The following ADGRA2 variants were observed in gnomAD, a reference collection of about 807,000 sequenced individuals.
ADGRA2 encodes the protein G-protein coupled receptor 124.
ADGRA2 carries 61 observed loss-of-function variants against 98.7 expected under a neutral mutation model. The ratio of observed to expected loss-of-function variants is 0.62; its 90% CI spans 0.50 to 0.76. The LOEUF is 0.76. ADGRA2 is among the 30% of genes least tolerant of loss of function. The pLI, the probability that ADGRA2 is intolerant of heterozygous loss-of-function variation, is 0.00. For synonymous variants in ADGRA2, 858 were observed against 831.5 expected, an observed-to-expected ratio of 1.03 and a Z score of -0.55; for missense variants, 1,712 against 1,860.0, an observed-to-expected ratio of 0.92 and a Z score of 1.46.
At position 37,844,169 on chromosome 8, in the gene ADGRA2, C is replaced by CG. The variant is rs1452808734; in HGVS notation, c.*1815dup. 19 of 305,890 alleles carry CG rather than the reference C, an allele frequency of 6.2e-5. No homozygotes were observed. Among genetic ancestry groups the CG allele is most frequent in the Non-Finnish European group, 1.2e-4 (19 of 161,634 alleles). The allele number at this position is 305,890 out of a possible 1,614,324, so 18.9% of individuals were successfully genotyped here. ...GCCCCCTCAGGCCTGCAGGAGGAGC[C>CG]GCAGCAGTGTGTCCAATTCAAACCA... On this transcript the variant is annotated 3_prime_UTR_variant, in exon 19 of 19. Transcript: ENST00000412232.
chr8:37,841,941 C>G lies in ADGRA2; in HGVS notation c.3603C>G (p.Leu1201=). The G allele has an allele frequency of 1.3e-6, 2 of 1,514,878 alleles. No homozygotes were observed. The highest frequency in any genetic ancestry group is 1.8e-6 in the Non-Finnish European group (2 of 1,139,398). 93.8% of individuals were successfully genotyped at this position (1,514,878 alleles called of 1,614,324 possible). A position where few individuals can be genotyped will look rare whatever the true frequency, so the allele number is the denominator to read the frequency against. ...RAGEACGKNR[L]KALRGGAAGA... is the part of the protein sequence containing the mutation. The stretch of plus-strand genomic sequence containing the variant: ...GGGAGGCCTGCGGCAAGAACCGGCT[C>G]AAGGCCCTGCGCGGGGGCGCGGCGG... Residue 1201 remains leucine, a synonymous_variant, in exon 19 of 19, where the codon CTC becomes CTG. Transcript: ENST00000412232. This position sits in a 1 kb window ranked among gnomAD's most constrained non-coding sequence, Gnocchi z 5.0.
chr8:37,840,856 A>AGCCC lies in ADGRA2; in HGVS notation c.2747+7_2747+8insGCCC. Reference sequence around the variant, plus strand: ...ACCGGGACCACAGCCCCTAGTGAGCACCCCTCCCTCCCGCCCCAAGCCTAC... The same window carrying AGCCC: ...ACCGGGACCACAGCCCCTAGTGAGCAGCCCCCCCTCCCTCCCGCCCCAAGCCTAC... On this transcript the variant is annotated splice_region_variant and intron_variant, in intron 18 of 18. Transcript: ENST00000412232. 6.7e-7 allele frequency: 1 copy of AGCCC among 1,483,342 alleles called. No homozygotes were observed. Among genetic ancestry groups the AGCCC allele is most frequent in the Non-Finnish European group, 9.4e-7 (1 of 1,067,520 alleles). 91.9% of individuals were successfully genotyped at this position (1,483,342 alleles called of 1,614,324 possible). A position where few individuals can be genotyped will look rare whatever the true frequency, so the allele number is the denominator to read the frequency against.
chr8:37,831,545 A>G lies in ADGRA2; in HGVS notation c.1055A>G (p.Tyr352Cys), dbSNP rs763637104. 2.5e-6 allele frequency: 4 copies of G among 1,613,690 alleles called. No individual in the cohort carries two copies. The highest frequency in any genetic ancestry group is 3.4e-6 in the Non-Finnish European group (4 of 1,180,038). ...GTGGTGCTGGAGACCTCTGCCTCCT[A>G]CTGCCCCGCCGAGCGTGTTGCCAAC... ...EIVVLETSAS[Y>C]CPAERVANNR... The change falls in exon 8 of 19, where the codon TAC (tyrosine) becomes TGC (cysteine). Residue 352 changes from tyrosine to cysteine, a missense_variant. Tyr to Cys is a radical substitution (Grantham distance 194, BLOSUM62 -2). Transcript: ENST00000412232.
At chr8:37,821,505 C>G (rs1805123391) in intron 2 of ADGRA2, among the ~76,000 whole-genome samples, 1 of 152,206 alleles carries the variant, frequency 6.6e-6, no homozygotes, top group Admixed American at 6.5e-5. Context: ...GGATCCCCTG[C>G]CAAGCACATG....
rs200356351 is a variant in ADGRA2 at position 37,832,983 on chromosome 8, T to C, written c.1098-27T>C. 7.8e-4 allele frequency: 1,232 copies of C among 1,585,050 alleles called. 6 individuals are homozygous for C. In the African/African-American group the frequency reaches 0.013, roughly 17 times the overall value. On this transcript the variant is annotated intron_variant, in intron 8 of 18. Transcript: ENST00000412232. ...CTGTTGTTCTGAGAAGCCCGGTTCA[T>C]CGGCAACTTCCTGCCTCTCCCCCCA...
intron 1 of ADGRA2, among the ~76,000 whole-genome samples, chr8:37,808,145 C>G (rs143539851): frequency 1.1e-3 from 161 of 152,310 alleles, no homozygotes; most frequent in African/African-American, 3.7e-3. Flanking sequence ...CCCCCTCTCT[C>G]TGGCCAGATT....
In ADGRA2 at chr8:37,841,394, T is replaced by C; in HGVS notation, c.3056T>C (p.Leu1019Pro). 1 of 1,612,340 alleles carries C rather than the reference T, an allele frequency of 6.2e-7. No individual in the cohort carries two copies. Among genetic ancestry groups the C allele is most frequent in the Non-Finnish European group, 8.5e-7 (1 of 1,179,562 alleles). Residue 1019 changes from leucine to proline, a missense_variant, in exon 19 of 19, where the codon CTA becomes CCA. Transcript: ENST00000412232. The surrounding 1 kb of genome is among the most constrained non-coding windows in gnomAD (Gnocchi z 5.0). The stretch of plus-strand genomic sequence containing the variant: ...AGCCTCTATTCTCCGGGAGTCCAGC[T>C]AGGGGCGCTGGTGACCACGCACTTC... ...GDSLYSPGVQ[L>P]GALVTTHFLY... is the part of the protein sequence containing the mutation.
At chr8:37,826,605 G>A (rs1254164147) in intron 2 of ADGRA2, among the ~76,000 whole-genome samples, 2 of 152,154 alleles carry the variant, frequency 1.3e-5, no homozygotes, top group Non-Finnish European at 2.9e-5. Context: ...GGAGCTGAGG[G>A]TGAGGGCTCC....
intron 17 of ADGRA2, 152 bp downstream of exon 17, chr8:37,840,418 A>G (rs1805755358): frequency 1.2e-6 from 1 of 815,282 alleles, no homozygotes; most frequent in Admixed American, 2.1e-5. Context: ...AGCAGGTCAC[A>G]CAAGACCATG....
intron 8 of ADGRA2, among the ~76,000 whole-genome samples, chr8:37,832,337 G>A (rs1207177261): frequency 6.6e-6 from 1 of 152,014 alleles, no homozygotes; most frequent in African/African-American, 2.4e-5. Flanking sequence ...ACAGGCTTGA[G>A]CCACTGCGAC....
chr8:37,841,158 G>T lies in ADGRA2; in HGVS notation c.2820G>T (p.Trp940Cys), dbSNP rs138242573. Residue 940 changes from tryptophan to cysteine, a missense_variant, in exon 19 of 19, where the codon TGG (tryptophan) becomes TGT (cysteine). Trp to Cys is a radical substitution (Grantham distance 215). Transcript: ENST00000412232. The surrounding 1 kb of genome is among the most constrained non-coding windows in gnomAD (Gnocchi z 5.0). ...IPVALILLIT[W>C]IYFLCAGLRL... ...TGGCTTTGATTCTGCTCATCACCTG[G>T]ATCTATTTCCTGTGCGCCGGGCTAC... The T allele has an allele frequency of 1.9e-6, 3 of 1,612,654 alleles. No homozygotes were observed. Among genetic ancestry groups the T allele is most frequent in the Non-Finnish European group, 1.7e-6 (2 of 1,179,926 alleles).
rs1563357194 is a variant in ADGRA2, at chr8:37,843,682, C to CCA, written c.*1335_*1336dup. ...AGAGGACACAGGGGAGGGGGAAAAC[C>CCA]CACACACACTCCTTGGAATGGGTCC... On this transcript the variant is annotated 3_prime_UTR_variant, in exon 19 of 19. Transcript: ENST00000412232. 1 of 152,446 alleles carries CCA rather than the reference C, an allele frequency of 6.6e-6. No homozygotes were observed. Among genetic ancestry groups the CCA allele is most frequent in the African/African-American group, 2.4e-5 (1 of 41,402 alleles). 9.4% of individuals were successfully genotyped at this position (152,446 alleles called of 1,614,324 possible). A position where few individuals can be genotyped will look rare whatever the true frequency, so the allele number is the denominator to read the frequency against.
chr8:37,834,437 G>A lies in ADGRA2; in HGVS notation c.1608+309G>A, dbSNP rs980147058. Reference sequence around the variant, plus strand: ...CTTGGTGGCAGGGCAGACAGCACTCGGGATTGAGTGAAGAGTAATGGAAGT... The same window carrying A: ...CTTGGTGGCAGGGCAGACAGCACTCAGGATTGAGTGAAGAGTAATGGAAGT... On this transcript the variant is annotated intron_variant, in intron 11 of 18. Transcript: ENST00000412232. This position sits in a 1 kb window ranked among gnomAD's most constrained non-coding sequence, Gnocchi z 4.2. Among the ~76,000 whole-genome samples, 2 of 152,210 alleles carry A rather than the reference G, an allele frequency of 1.3e-5. No individual in the cohort carries two copies. The highest frequency in any genetic ancestry group is 2.9e-5 in the Non-Finnish European group (2 of 68,036).
Position 37,841,960 on chromosome 8 carries a change from G to A in ADGRA2, c.3622G>A (p.Ala1208Thr), listed in dbSNP as rs1297600213. The change falls in exon 19 of 19, where the codon GCG becomes ACG. Residue 1208 changes from alanine to threonine, a missense_variant. By Grantham distance (58) the Ala-to-Thr change is moderately conservative. Transcript: ENST00000412232. This position sits in a 1 kb window ranked among gnomAD's most constrained non-coding sequence, Gnocchi z 5.0. ...KNRLKALRGGAAGALELLSSE... is the reference protein window; with the variant it reads ...KNRLKALRGGTAGALELLSSE... ...CCGGCTCAAGGCCCTGCGCGGGGGC[G>A]CGGCGGGGGCGCTGGAGCTGCTGTC... The A allele has an allele frequency of 6.7e-7, 1 of 1,500,500 alleles. No individual in the cohort carries two copies. The highest frequency in any genetic ancestry group is 2.6e-5 in the East Asian group (1 of 38,160). 92.9% of individuals were successfully genotyped at this position (1,500,500 alleles called of 1,614,324 possible). A position where few individuals can be genotyped will look rare whatever the true frequency, so the allele number is the denominator to read the frequency against.
chr8:37,843,782 C>A lies in ADGRA2; in HGVS notation c.*1427C>A, dbSNP rs1805889995. ...TGTATTATTCTTCCACATATGCTGG[C>A]TGCTGTTTACACACCCTGCCAATGC... is the stretch of plus-strand genomic sequence containing the variant. On this transcript the variant is annotated 3_prime_UTR_variant, in exon 19 of 19. Transcript: ENST00000412232. 1 of 152,540 alleles carries A rather than the reference C, an allele frequency of 6.6e-6. No homozygotes were observed. The highest frequency in any genetic ancestry group is 2.4e-5 in the African/African-American group (1 of 41,386). The allele number at this position is 152,540 out of a possible 1,614,324, so 9.4% of individuals were successfully genotyped here.
intron 2 of ADGRA2, among the ~76,000 whole-genome samples, chr8:37,826,301 G>A (rs886599077): frequency 6.6e-6 from 1 of 152,130 alleles, no homozygotes; most frequent in African/African-American, 2.4e-5. Context: ...GTCCCAGAGG[G>A]GCAGGCAGTG....
At position 37,828,862 on chromosome 8, in the gene ADGRA2, G is replaced by GA. The variant is rs758822957; in HGVS notation, c.339-25dup. On this transcript the variant is annotated intron_variant, in intron 2 of 18. Transcript: ENST00000412232. ...GGGCGGCTCCAGCGGGGAGAGGTGT[G>GA]AGGGCCTCTGCACTTGCCTCTGCAG... 2.5e-6 allele frequency: 4 copies of GA among 1,583,814 alleles called. No homozygotes were observed. In the African/African-American group the frequency reaches 5.4e-5, roughly 21 times the overall value.
In ADGRA2 at chr8:37,842,265, C is replaced by A. The variant is rs1805828509; in HGVS notation, c.3927C>A (p.Gly1309=). The A allele has an allele frequency of 1.3e-6, 2 of 1,568,366 alleles. No homozygotes were observed. Among genetic ancestry groups the A allele is most frequent in the Admixed American group, 1.9e-5 (1 of 52,640 alleles). ...GCCTAAACGGCGCCCCCAAGGGGGG[C>A]AAGTACGACGACGTCACCCTGATGG... ...AASLNGAPKG[G]KYDDVTLMGA... Residue 1309 remains glycine (G), a synonymous_variant, in exon 19 of 19, where the codon GGC becomes GGA. Coordinates refer to ENST00000412232, the MANE Select transcript of ADGRA2 (RefSeq NM_032777.10).
Position 37,831,498 on chromosome 8 carries a change from C to G in ADGRA2, c.1008C>G (p.Asn336Lys). The change falls in exon 8 of 19, where the codon AAC becomes AAG. Residue 336 changes from asparagine (N) to lysine (K), a missense_variant. Asn to Lys is a moderately conservative substitution (Grantham distance 94). Coordinates refer to ENST00000412232, the MANE Select transcript of ADGRA2 (RefSeq NM_032777.10). Reference protein sequence around the residue: ...WECTVSMAQGNASKKVEIVVL... With the variant: ...WECTVSMAQGKASKKVEIVVL... ...GCACCGTGTCCATGGCCCAAGGCAA[C>G]GCCAGCAAGAAGGTGGAGATCGTGG... 2.5e-6 allele frequency: 4 copies of G among 1,613,822 alleles called. No homozygotes were observed. Among genetic ancestry groups the G allele is most frequent in the Non-Finnish European group, 2.5e-6 (3 of 1,180,012 alleles).
Sources: allele counts gnomAD v4.1 joint callset (sites outside exome capture counted in the v4.1 genomes callset), GRCh38; gene constraint gnomAD v4.1.1; non-coding constraint Gnocchi (gnomAD v3.1); transcripts MANE v1.5; gene names NCBI Gene and HGNC (gene_info 2026-07-23, HGNC 2026-07-21).